CEACAM5: variants seen among roughly 807,000 people sequenced by gnomAD.
CEACAM5 encodes CEA cell adhesion molecule 5, also known as cell adhesion molecule CEACAM5.
CEACAM5 carries 52 observed loss-of-function variants against 63.0 expected under a neutral mutation model. The ratio of observed to expected loss-of-function variants is 0.83; its 90% CI spans 0.66 to 1.04. The LOEUF (loss-of-function observed/expected upper bound fraction) is 1.04, where lower values mean the gene tolerates loss of function less well. CEACAM5 is among the 50% of genes least tolerant of loss of function. The pLI is 0.00. For missense variants in CEACAM5, 790 were observed against 864.8 expected (o/e 0.91, Z 1.08); for synonymous variants, 357 against 351.3 (o/e 1.02, Z -0.18).
At position 41,717,464 on chromosome 19, in the gene CEACAM5, C is replaced by A; in HGVS notation, c.968C>A (p.Pro323His). 6.2e-7 allele frequency: 1 copy of A among 1,613,554 alleles called. No homozygotes were observed. Among genetic ancestry groups the A allele is most frequent in the Non-Finnish European group, 8.5e-7 (1 of 1,179,696 alleles). The change falls in exon 5 of 10, where the codon CCC becomes CAC. Residue 323 changes from proline (P) to histidine (H), a missense_variant. Transcript: ENST00000221992. ...TCTGTTATCTGCACAGCAGAGCCACCCAAACCCTTCATCACCAGCAACAAC... is the reference window on the plus strand; with the variant it reads ...TCTGTTATCTGCACAGCAGAGCCACACAAACCCTTCATCACCAGCAACAAC... ...VTTITVYAEP[P>H]KPFITSNNSN...
chr19:41,720,282 T>A, intron 7 of CEACAM5, 74 bp downstream of exon 7: 1 of 1,526,316 alleles, frequency 6.6e-7, no homozygotes, highest in African/African-American at 1.4e-5. Flanking sequence ...GGACTCTCAG[T>A]TCTCCTCAGG....
Position 41,718,288 on chromosome 19 carries a change from C to T in CEACAM5, c.1398C>T (p.Asn466=). Residue 466 remains asparagine (N), a synonymous_variant, in exon 6 of 10, where the codon AAC becomes AAT. Transcript: ENST00000221992. ...ACACACAAGAGCTCTTTATCTCCAA[C>T]ATCACTGAGAAGAACAGCGGACTCT... ...QQHTQELFIS[N]ITEKNSGLYT... is the part of the protein sequence containing the mutation. The T allele has an allele frequency of 6.2e-7, 1 of 1,614,168 alleles. No individual in the cohort carries two copies. Among genetic ancestry groups the T allele is most frequent in the Non-Finnish European group, 8.5e-7 (1 of 1,180,024 alleles).
chr19:41,719,743 A>G (rs1202228266), intron 6 of CEACAM5, among the ~76,000 whole-genome samples, 187 bp from the exon 7 acceptor site: 1 of 152,162 alleles, frequency 6.6e-6, no homozygotes, highest in Non-Finnish European at 1.5e-5. Context: ...CCCCACACAA[A>G]GCAGCCGGCC....
At chr19:41,719,781 G>A (rs370660245) in intron 6 of CEACAM5, 149 bp from the exon 7 acceptor site, 28 of 1,421,020 alleles carry the variant, frequency 2.0e-5, no homozygotes, top group East Asian at 1.4e-4. Context: ...TCAGATCATC[G>A]TACATCTGTC....
At chr19:41,721,586 C>T (rs1369399692) in intron 8 of CEACAM5, among the ~76,000 whole-genome samples, 2 of 152,258 alleles carry the variant, frequency 1.3e-5, no homozygotes, top group African/African-American at 4.8e-5. Flanking sequence ...CCAGCCCACA[C>T]TTTTTCCCCA....
At position 41,716,053 on chromosome 19, in the gene CEACAM5, G is replaced by A; in HGVS notation, c.958+149G>A. The A allele has an allele frequency of 6.8e-6, 6 of 877,740 alleles. No homozygotes were observed. In the South Asian group the frequency reaches 8.5e-5, roughly 12 times the overall value. 54.4% of individuals were successfully genotyped at this position (877,740 alleles called of 1,614,324 possible). ...TTCTCCCACTGAACCTCCCCAATAT[G>A]TCTCTACAGACTCTTTTCTTCTTGT... On this transcript the variant is annotated intron_variant, in intron 4 of 9. Transcript: ENST00000221992.
At chr19:41,711,951 C>T (rs1014480004) in intron 2 of CEACAM5, among the ~76,000 whole-genome samples, 13 of 152,162 alleles carry the variant, frequency 8.5e-5, no homozygotes, top group African/African-American at 3.1e-4. Context: ...TGCCAGGCTC[C>T]ATCACAAGCC....
rs1555816169 is a variant in CEACAM5 at position 41,721,109 on chromosome 19, T to G, written c.1959T>G (p.Tyr653Ter). 6.2e-7 allele frequency: 1 copy of G among 1,614,126 alleles called. No homozygotes were observed. The highest frequency in any genetic ancestry group is 8.5e-7 in the Non-Finnish European group (1 of 1,180,056). ...AKITPNNNGT[Y>*]ACFVSNLATG... ...TCACGCCAAATAATAACGGGACCTA[T>G]GCCTGTTTTGTCTCTAACTTGGCTA... The change falls in exon 8 of 10, where the codon TAT (tyrosine) becomes TAG (stop). Residue 653 changes from tyrosine (Y) to a stop codon, truncating the protein, a stop_gained. Coordinates refer to ENST00000221992, the MANE Select transcript of CEACAM5 (RefSeq NM_004363.6). LOFTEE classifies it high-confidence loss of function.
Position 41,715,902 on chromosome 19 carries a change from A to T in CEACAM5, c.956A>T (p.Tyr319Phe). 6.2e-7 allele frequency: 1 copy of T among 1,612,490 alleles called. No individual in the cohort carries two copies. The highest frequency in any genetic ancestry group is 8.5e-7 in the Non-Finnish European group (1 of 1,178,638). ...NRTTVTTITV[Y>F]AEPPKPFITS... ...ACCACAGTCACGACGATCACAGTCTATGGTAAGTGGATCCACGAAGCACTG... is the reference window on the plus strand; with the variant it reads ...ACCACAGTCACGACGATCACAGTCTTTGGTAAGTGGATCCACGAAGCACTG... The change falls in exon 4 of 10, where the codon TAT becomes TTT. Residue 319 changes from tyrosine to phenylalanine, a missense_variant and splice_region_variant. Transcript: ENST00000221992.
chr19:41,727,943 G>C (rs1555817355), intron 9 of CEACAM5, among the ~76,000 whole-genome samples: 2 of 152,098 alleles, frequency 1.3e-5, no homozygotes, highest in Non-Finnish European at 2.9e-5. Flanking sequence ...AGAATTCTTA[G>C]TTCCGGTGTT....
Position 41,719,973 on chromosome 19 carries a change from C to T in CEACAM5, c.1536C>T (p.Pro512=), listed in dbSNP as rs782411489. ...CCATCTCCAGCAACAACTCCAAACC[C>T]GTGGAGGACAAGGATGCTGTGGCCT... ...KPSISSNNSK[P]VEDKDAVAFT... The change falls in exon 7 of 10, where the codon CCC becomes CCT. Residue 512 remains proline (P), a synonymous_variant. Coordinates refer to ENST00000221992, the MANE Select transcript of CEACAM5 (RefSeq NM_004363.6). The T allele has an allele frequency of 2.5e-5, 40 of 1,614,206 alleles. No homozygotes were observed. The highest frequency in any genetic ancestry group is 3.1e-5 in the Non-Finnish European group (37 of 1,180,040).
intron 2 of CEACAM5, among the ~76,000 whole-genome samples, chr19:41,713,423 C>G (rs1183313806): frequency 6.6e-6 from 1 of 152,192 alleles, no homozygotes; most frequent in Admixed American, 6.5e-5. Context: ...ATTCAAAACT[C>G]AAAAACAGTC....
intron 3 of CEACAM5, 191 bp downstream of exon 3, chr19:41,715,440 T>A: frequency 8.9e-7 from 1 of 1,129,496 alleles, no homozygotes; most frequent in African/African-American, 1.5e-5. Flanking sequence ...GGGGAGGGGC[T>A]GCTTCTGTCC....
At chr19:41,719,809 G>A in intron 6 of CEACAM5, 121 bp from the exon 7 acceptor site, 3 of 1,535,492 alleles carry the variant, frequency 2.0e-6, no homozygotes, top group Non-Finnish European at 2.6e-6. Flanking sequence ...ACACACACCT[G>A]CCATGGGCTT....
rs1401476611 is a variant in CEACAM5 at position 41,720,925 on chromosome 19, G to T, written c.1775G>T (p.Gly592Val). 6.2e-7 allele frequency: 1 copy of T among 1,613,958 alleles called. No homozygotes were observed. Among genetic ancestry groups the T allele is most frequent in the East Asian group, 2.2e-5 (1 of 44,854 alleles). ...SDPVTLDVLY[G>V]PDTPIISPPD... ...GGCTTTGTTCTCTTTGTTCCAGATG[G>T]GCCGGACACCCCCATCATTTCCCCC... is the stretch of plus-strand genomic sequence containing the variant. The change falls in exon 8 of 10, where the codon GGG (glycine) becomes GTG (valine). Residue 592 changes from glycine to valine, a missense_variant. Transcript: ENST00000221992.
chr19:41,727,342 C>A lies in CEACAM5; in HGVS notation c.*26C>A. 6.6e-7 allele frequency: 1 copy of A among 1,507,548 alleles called. No individual in the cohort carries two copies. The highest frequency in any genetic ancestry group is 9.2e-7 in the Non-Finnish European group (1 of 1,083,514). 93.4% of individuals were successfully genotyped at this position (1,507,548 alleles called of 1,614,324 possible). On this transcript the variant is annotated 3_prime_UTR_variant, in exon 9 of 10. Transcript: ENST00000221992. ...CAGCCCTGGTGTAGTTTCTTCATTT[C>A]AGGAAGACTGGTAGGTATAATGGCC... is the stretch of plus-strand genomic sequence containing the variant.
intron 8 of CEACAM5, among the ~76,000 whole-genome samples, chr19:41,725,968 A>G (rs2122843329): frequency 6.6e-6 from 1 of 152,332 alleles, no homozygotes; most frequent in Middle Eastern, 3.4e-3. Flanking sequence ...TTCTCACACA[A>G]GATTCTTAAC....
In CEACAM5 at chr19:41,720,984, A is replaced by G; in HGVS notation, c.1834A>G (p.Asn612Asp). The change falls in exon 8 of 10, where the codon AAC (asparagine) becomes GAC (aspartate). Residue 612 changes from asparagine to aspartate, a missense_variant. Coordinates refer to ENST00000221992, the MANE Select transcript of CEACAM5 (RefSeq NM_004363.6). Reference protein sequence around the residue: ...DSSYLSGANLNLSCHSASNPS... With the variant: ...DSSYLSGANLDLSCHSASNPS... ...GTCTTACCTTTCGGGAGCGAACCTC[A>G]ACCTCTCCTGCCACTCGGCCTCTAA... is the stretch of plus-strand genomic sequence containing the variant. The G allele has an allele frequency of 6.2e-7, 1 of 1,613,826 alleles. No homozygotes were observed. Among genetic ancestry groups the G allele is most frequent in the Admixed American group, 1.7e-5 (1 of 59,968 alleles).
rs2072382115 is a variant in CEACAM5, at chr19:41,708,703, AGAG to A, written c.-23_-21del. Reference sequence around the variant, plus strand: ...TCCTGGAACTCAAGCTCTTCTCCACAGAGGAGGACAGAGCAGACAGCAGAGACC... The same window carrying A: ...TCCTGGAACTCAAGCTCTTCTCCACAGAGGACAGAGCAGACAGCAGAGACC... On this transcript the variant is annotated 5_prime_UTR_variant, in exon 1 of 10. Transcript: ENST00000221992. The A allele has an allele frequency of 1.9e-6, 3 of 1,597,832 alleles. No homozygotes were observed. The highest frequency in any genetic ancestry group is 1.3e-5 in the African/African-American group (1 of 74,606).
Sources: gnomAD v4.1 joint callset for allele counts (sites outside exome capture counted in the v4.1 genomes callset) on GRCh38, gnomAD v4.1.1 for gene constraint, MANE v1.5 for transcripts, NCBI Gene and HGNC (gene_info 2026-07-23, HGNC 2026-07-21) for gene names.